The following MTUS1 variants were observed in gnomAD, a reference collection of about 807,000 sequenced individuals.
MTUS1 encodes microtubule associated scaffold protein 1.
MTUS1 carries 109 observed loss-of-function variants against 120.8 expected under a neutral mutation model. The ratio of observed to expected loss-of-function variants is 0.90; its 90% confidence interval spans 0.77 to 1.06. MTUS1 has a LOEUF of 1.06. MTUS1 is among the 50% of genes least tolerant of loss of function. MTUS1 has a pLI of 0.00. For synonymous variants in MTUS1, 737 were observed against 550.5 expected, an observed-to-expected ratio of 1.34 and a Z score of -4.74; for missense variants, 2,210 against 1,486.3, an observed-to-expected ratio of 1.49 and a Z score of -8.01.
chr8:17,704,130 A>G (rs1245730136), intron 6 of MTUS1: 1 of 152,174 alleles, frequency 6.6e-6, no homozygotes, highest in East Asian at 1.9e-4. Context: ...ATTGGGGGCG[A>G]CAGACCATGG....
Position 17,755,962 on chromosome 8 carries a change from C to A in MTUS1, c.-154-1G>T. ...TGAAGATTAAATGATTTGTTGTTCC[C>A]TGGAAGAAATAAAATGTTTAACTCA... On this transcript the variant is annotated splice_acceptor_variant, in intron 1 of 14. Transcript: ENST00000693296. LOFTEE classifies it low-confidence loss of function (5UTR_SPLICE). 7.1e-7 allele frequency: 1 copy of A among 1,415,166 alleles called. No homozygotes were observed. Among genetic ancestry groups the A allele is most frequent in the South Asian group, 1.6e-5 (1 of 62,052 alleles). The allele number at this position is 1,415,166 out of a possible 1,614,324, so 87.7% of individuals were successfully genotyped here.
chr8:17,783,594 T>C (rs7465360), intron 1 of MTUS1, among the ~76,000 whole-genome samples: 26,895 of 151,924 alleles, frequency 0.18, 2,719 homozygotes, highest in South Asian at 0.41. Context: ...AATTCACAAG[T>C]TGGGCATTGT....
chr8:17,759,169 C>A (rs1382571016), intron 1 of MTUS1, among the ~76,000 whole-genome samples: 1 of 152,202 alleles, frequency 6.6e-6, no homozygotes, highest in Non-Finnish European at 1.5e-5. Context: ...GCATGAGCCA[C>A]CATGCCCGGC....
chr8:17,725,554 T>C (rs1328774518), intron 3 of MTUS1, among the ~76,000 whole-genome samples: 1 of 152,210 alleles, frequency 6.6e-6, no homozygotes, highest in African/African-American at 2.4e-5. Flanking sequence ...TGAATCCTTA[T>C]TTAACCCTTT....
intron 1 of MTUS1, among the ~76,000 whole-genome samples, chr8:17,791,094 C>T (rs1038665131): frequency 2.0e-5 from 3 of 152,170 alleles, no homozygotes; most frequent in Admixed American, 6.5e-5. Context: ...CAGCATCATA[C>T]TGGGTGTGGG....
Position 17,645,917 on chromosome 8 carries a change from G to A in MTUS1, c.*9C>T. On this transcript the variant is annotated 3_prime_UTR_variant, in exon 15 of 15. Coordinates refer to ENST00000693296, the MANE Select transcript of MTUS1 (RefSeq NM_001363059.2). ...TGCTTTCAGAGAGTCTGTGGACTTT[G>A]GGGAGGTGTCATCTGGGTGAAATGC... The A allele has an allele frequency of 6.2e-7, 1 of 1,608,078 alleles. No homozygotes were observed.
At chr8:17,726,583 A>G (rs1226130247) in intron 3 of MTUS1, among the ~76,000 whole-genome samples, 1 of 152,218 alleles carries the variant, frequency 6.6e-6, no homozygotes, top group African/African-American at 2.4e-5. Flanking sequence ...ATACTGAAGC[A>G]TTCAGTGCTT....
chr8:17,755,212 C>A lies in MTUS1; in HGVS notation c.596G>T (p.Ser199Ile). The change falls in exon 2 of 15, where the codon AGT (serine) becomes ATT (isoleucine). Residue 199 changes from serine (S) to isoleucine (I), a missense_variant. Physicochemically the swap from Ser to Ile is moderately radical, Grantham distance 142 (BLOSUM62 -2). Coordinates refer to ENST00000693296, the MANE Select transcript of MTUS1 (RefSeq NM_001363059.2). ...AGTGGAATAGGATAAAGAAGATGTA[C>A]TTCCACTTCTCCTACCAGTTGGTGG... is the stretch of plus-strand genomic sequence containing the variant. ...SLPPTGRRSG[S>I]TSSLSYSTWT... 6.2e-7 allele frequency: 1 copy of A among 1,614,164 alleles called. No homozygotes were observed. The highest frequency in any genetic ancestry group is 8.5e-7 in the Non-Finnish European group (1 of 1,180,012).
intron 12 of MTUS1, among the ~76,000 whole-genome samples, chr8:17,652,146 C>T (rs1807142615): frequency 6.6e-6 from 1 of 152,044 alleles, no homozygotes; most frequent in Non-Finnish European, 1.5e-5. Flanking sequence ...AACAGTGGTA[C>T]TAAAGGCAGA....
chr8:17,709,751 G>T (rs1820898159), intron 6 of MTUS1, among the ~76,000 whole-genome samples: 1 of 152,088 alleles, frequency 6.6e-6, no homozygotes, highest in African/African-American at 2.4e-5. Flanking sequence ...GCTCACACCT[G>T]TAATCCCATC....
At chr8:17,775,123 A>G (rs2050318789) in intron 1 of MTUS1, among the ~76,000 whole-genome samples, 1 of 151,990 alleles carries the variant, frequency 6.6e-6, no homozygotes, top group Non-Finnish European at 1.5e-5. Flanking sequence ...CTATTGTTAA[A>G]TGGGTACAGT....
In MTUS1 at chr8:17,687,816, T is replaced by A. The variant is rs1189860610; in HGVS notation, c.2624-3274A>T. ...TCTTTGTTCTTTCTATTCAGAAACC[T>A]CAATTTAATAAGATTTAAAACTAGT... is the stretch of plus-strand genomic sequence containing the variant. On this transcript the variant is annotated intron_variant, in intron 6 of 14. Transcript: ENST00000693296. 2.6e-5 allele frequency among the ~76,000 whole-genome samples: 4 copies of A among 152,198 alleles called. No homozygotes were observed. In the East Asian group the frequency reaches 7.7e-4, roughly 29 times the overall value.
At chr8:17,669,635 C>T (rs1168200196) in intron 8 of MTUS1, among the ~76,000 whole-genome samples, 2 of 152,094 alleles carry the variant, frequency 1.3e-5, no homozygotes, top group Non-Finnish European at 2.9e-5. Flanking sequence ...CACCTGAGGT[C>T]AGGAGTTCGA....
chr8:17,675,376 C>A, intron 7 of MTUS1, 124 bp from the exon 8 acceptor site: 1 of 714,492 alleles, frequency 1.4e-6, no homozygotes. Flanking sequence ...ATCATTTAGG[C>A]TAACAATTTG....
chr8:17,768,775 T>C (rs1448171497), intron 1 of MTUS1, among the ~76,000 whole-genome samples: 1 of 150,832 alleles, frequency 6.6e-6, no homozygotes, highest in Non-Finnish European at 1.5e-5. Flanking sequence ...GAAGAGAGAG[T>C]CCTGGTGGGC....
At chr8:17,724,146 A>G (rs764274543) in intron 3 of MTUS1, 12 of 504,242 alleles carry the variant, frequency 2.4e-5, no homozygotes, top group African/African-American at 3.9e-5. Flanking sequence ...ATCATGAGAA[A>G]GCAGCTTTTG....
chr8:17,704,764 ATGACTTT>A (rs1819809303), intron 6 of MTUS1, among the ~76,000 whole-genome samples: 2 of 152,186 alleles, frequency 1.3e-5, no homozygotes, highest in South Asian at 4.1e-4. Context: ...GTCATTCTAT[ATGACTTT>A]TGGGATTGTT....
intron 1 of MTUS1, among the ~76,000 whole-genome samples, chr8:17,790,027 G>A (rs1268412479): frequency 2.6e-5 from 4 of 151,976 alleles, no homozygotes; most frequent in African/African-American, 9.7e-5. Flanking sequence ...CTTACAATAA[G>A]GAAACAGAAT....
chr8:17,757,710 A>G (rs1309197242), intron 1 of MTUS1, among the ~76,000 whole-genome samples: 1 of 152,104 alleles, frequency 6.6e-6, no homozygotes, highest in African/African-American at 2.4e-5. Flanking sequence ...TATTTTTAGT[A>G]GAGACAGGGT....
Sources: allele counts gnomAD v4.1 joint callset (sites outside exome capture counted in the v4.1 genomes callset), GRCh38; gene constraint gnomAD v4.1.1; transcripts MANE v1.5; gene names NCBI Gene and HGNC (gene_info 2026-07-23, HGNC 2026-07-21).